The following ADORA2B variants were observed in gnomAD, a reference collection of about 807,000 sequenced individuals.
The protein encoded by ADORA2B is adenosine A2b receptor.
Under a neutral mutation model 20.8 loss-of-function variants are expected in ADORA2B, and 18 were observed. The observed-to-expected ratio is 0.87, with a 90% confidence interval of 0.60 to 1.29. The LOEUF (loss-of-function observed/expected upper bound fraction) is 1.29, where lower values mean the gene tolerates loss of function less well. Ranked by LOEUF, ADORA2B falls within the 50% of genes most tolerant of loss-of-function variation. ADORA2B has a pLI of 0.00. For missense variants in ADORA2B, 441 were observed against 422.7 expected, an observed-to-expected ratio of 1.04 and a Z score of -0.38; for synonymous variants, 179 against 178.3, an observed-to-expected ratio of 1.00 and a Z score of -0.03.
intron 1 of ADORA2B, among the ~76,000 whole-genome samples, chr17:15,971,209 A>C (rs1970185144): frequency 6.6e-6 from 1 of 152,232 alleles, no homozygotes; most frequent in Non-Finnish European, 1.5e-5. Context: ...AAGTTCTGTG[A>C]TTCTTAGGAC....
At chr17:15,852,298 T>C in the ADORA2B span, among the ~76,000 whole-genome samples, 2 of 152,214 alleles carry the variant, frequency 1.3e-5, no homozygotes, top group African/African-American at 4.8e-5. Context: ...AAAATATTCT[T>C]CCTTAACATC....
At chr17:15,930,505 A>G in the ADORA2B span, among the ~76,000 whole-genome samples, 1 of 152,178 alleles carries the variant, frequency 6.6e-6, no homozygotes, top group East Asian at 1.9e-4. Flanking sequence ...TGTATTGGCC[A>G]AGCTGGTCTT....
chr17:15,912,626 C>T, the ADORA2B span, among the ~76,000 whole-genome samples: 23 of 152,214 alleles, frequency 1.5e-4, no homozygotes, highest in South Asian at 4.1e-4. Flanking sequence ...GGAGATACCA[C>T]GTCTCGTTTG....
the ADORA2B span, among the ~76,000 whole-genome samples, chr17:15,887,998 G>C: frequency 1.1e-5 from 1 of 91,542 alleles, no homozygotes; most frequent in Non-Finnish European, 2.1e-5. Flanking sequence ...AAGATAAGCA[G>C]AAGTTGCCAA....
chr17:15,965,827 G>T (rs1350086785), intron 1 of ADORA2B, among the ~76,000 whole-genome samples: 1 of 152,248 alleles, frequency 6.6e-6, no homozygotes, highest in Non-Finnish European at 1.5e-5. Context: ...CTTAGTAACA[G>T]CCCCCTGGCT....
At chr17:15,872,047 A>G in the ADORA2B span, among the ~76,000 whole-genome samples, 1 of 152,174 alleles carries the variant, frequency 6.6e-6, no homozygotes, top group Admixed American at 6.5e-5. Flanking sequence ...GTTCGAGTCC[A>G]TTTATAAGAA....
the ADORA2B span, among the ~76,000 whole-genome samples, chr17:15,906,507 T>G: frequency 6.6e-6 from 1 of 152,220 alleles, no homozygotes; most frequent in African/African-American, 2.4e-5. Context: ...TTCAATTTGC[T>G]ATATTTGTTA....
At chr17:15,959,689 T>C (rs1332375656) in intron 1 of ADORA2B, among the ~76,000 whole-genome samples, 1 of 152,046 alleles carries the variant, frequency 6.6e-6, no homozygotes, top group East Asian at 1.9e-4. Context: ...TTAGTAGAGA[T>C]GGGGTTTTGC....
At chr17:15,942,619 G>A (rs976582533), upstream of ADORA2B, among the ~76,000 whole-genome samples, 1 of 152,106 alleles carries the variant, frequency 6.6e-6, no homozygotes, top group Admixed American at 6.6e-5. Context: ...CAGAGCCCAG[G>A]CCCAGCAGCT....
chr17:15,930,588 G>T, the ADORA2B span, among the ~76,000 whole-genome samples: 1 of 152,172 alleles, frequency 6.6e-6, no homozygotes, highest in East Asian at 1.9e-4. Flanking sequence ...GAGCCACCGT[G>T]CCTGGCCAGG....
the ADORA2B span, among the ~76,000 whole-genome samples, chr17:15,856,066 G>A: frequency 6.6e-6 from 1 of 151,930 alleles, no homozygotes; most frequent in Non-Finnish European, 1.5e-5. Flanking sequence ...ATCTCATCTC[G>A]AATTGTAATC....
At chr17:15,883,585 G>A in the ADORA2B span, among the ~76,000 whole-genome samples, 2 of 152,222 alleles carry the variant, frequency 1.3e-5, no homozygotes, top group Non-Finnish European at 2.9e-5. Flanking sequence ...CATCATGGCT[G>A]ACATGCACCA....
intron 1 of ADORA2B, among the ~76,000 whole-genome samples, chr17:15,964,405 G>A (rs558760925): frequency 4.0e-4 from 61 of 151,798 alleles, no homozygotes; most frequent in Non-Finnish European, 8.2e-4. Flanking sequence ...TCAGGAGTTC[G>A]AGACCAGCCT....
At chr17:15,866,668 TTTC>T in the ADORA2B span, among the ~76,000 whole-genome samples, 1 of 138,660 alleles carries the variant, frequency 7.2e-6, no homozygotes, top group African/African-American at 3.0e-5. Flanking sequence ...TGCCTTAAAT[TTTC>T]TTCTTTTGGC....
chr17:15,913,589 C>G, the ADORA2B span, among the ~76,000 whole-genome samples: 37 of 152,320 alleles, frequency 2.4e-4, 1 homozygote, highest in African/African-American at 8.9e-4. Context: ...CATGAATGGA[C>G]ACAATACATT....
chr17:15,945,469 A>T lies in ADORA2B; in HGVS notation c.221A>T (p.Asp74Val), dbSNP rs773844502. 1 of 1,613,242 alleles carries T rather than the reference A, an allele frequency of 6.2e-7. No homozygotes were observed. The change falls in exon 1 of 2, where the codon GAC becomes GTC. Residue 74 changes from aspartate to valine, a missense_variant. Asp to Val is a radical substitution (Grantham distance 152). Coordinates refer to ENST00000304222, the MANE Select transcript of ADORA2B (RefSeq NM_000676.4). ...ACCATCAGCCTGGGCTTCTGCACTG[A>T]CTTCTACGGCTGCCTCTTCCTCGCC... ...AITISLGFCT[D>V]FYGCLFLACF... is the part of the protein sequence containing the mutation.
chr17:15,971,304 T>C (rs1456181221), intron 1 of ADORA2B, among the ~76,000 whole-genome samples: 3 of 152,230 alleles, frequency 2.0e-5, no homozygotes, highest in Admixed American at 2.0e-4. Flanking sequence ...AGAGAACAAC[T>C]GTTTTTAAGG....
chr17:15,898,052 T>C, the ADORA2B span, among the ~76,000 whole-genome samples: 1 of 152,156 alleles, frequency 6.6e-6, no homozygotes, highest in East Asian at 1.9e-4. Flanking sequence ...AACAAATCTT[T>C]AAGAAACATA....
chr17:15,852,483 A>G, the ADORA2B span, among the ~76,000 whole-genome samples: 13 of 152,208 alleles, frequency 8.5e-5, no homozygotes, highest in Non-Finnish European at 1.2e-4. Flanking sequence ...ATATGGTGTC[A>G]TAGTCAATTT....
Sources: gnomAD v4.1 joint callset for allele counts (sites outside exome capture counted in the v4.1 genomes callset) on GRCh38, gnomAD v4.1.1 for gene constraint, MANE v1.5 for transcripts, NCBI Gene and HGNC (gene_info 2026-07-23, HGNC 2026-07-21) for gene names.